The following DNAH10 variants were observed in gnomAD, a reference collection of about 807,000 sequenced individuals.
DNAH10 encodes the protein axonemal beta dynein heavy chain 10.
Under a neutral mutation model 506.6 loss-of-function variants are expected in DNAH10, and 348 were observed. The ratio of observed to expected loss-of-function variants is 0.69; its 90% confidence interval spans 0.63 to 0.75. The LOEUF is 0.75. DNAH10 is among the 30% of genes least tolerant of loss of function. The pLI, the probability that DNAH10 is intolerant of heterozygous loss-of-function variation, is 0.00. For synonymous variants in DNAH10, 2,059 were observed against 2,198.6 expected (o/e 0.94, Z 1.78); for missense variants, 5,179 against 5,787.1 (o/e 0.89, Z 3.41).
At chr12:123,858,282 T>A (rs1344238585) in intron 37 of DNAH10, among the ~76,000 whole-genome samples, 1 of 152,052 alleles carries the variant, frequency 6.6e-6, no homozygotes, top group Non-Finnish European at 1.5e-5. Context: ...ATTGGCAGAG[T>A]CCTGCTGAGA....
At chr12:123,847,764 C>T (rs1237690992) in intron 32 of DNAH10, among the ~76,000 whole-genome samples, 197 bp from the exon 33 acceptor site, 1 of 152,190 alleles carries the variant, frequency 6.6e-6, no homozygotes, top group Admixed American at 6.5e-5. Context: ...CTTCCTGAAA[C>T]ACACTCATGG....
intron 65 of DNAH10, among the ~76,000 whole-genome samples, chr12:123,922,324 C>T (rs1320654536): frequency 2.6e-5 from 4 of 152,092 alleles, no homozygotes; most frequent in South Asian, 2.1e-4. Context: ...TGCAGTGAGC[C>T]GAGATCGCGC....
Position 123,909,521 on chromosome 12 carries a change from A to G in DNAH10, c.9997+79A>G, listed in dbSNP as rs962223975. On this transcript the variant is annotated intron_variant, in intron 58 of 78. Transcript: ENST00000673944. This position sits in a 1 kb window ranked among gnomAD's most constrained non-coding sequence, Gnocchi z 5.4. ...AGGCTCTGGGACAGGGATGGAGGGC[A>G]AGGAGGCTTGTCGTGGGCAGGCCCT... 6.8e-7 allele frequency: 1 copy of G among 1,467,666 alleles called. No homozygotes were observed. Among genetic ancestry groups the G allele is most frequent in the Non-Finnish European group, 9.1e-7 (1 of 1,103,320 alleles). 90.9% of individuals were successfully genotyped at this position (1,467,666 alleles called of 1,614,324 possible).
intron 38 of DNAH10, among the ~76,000 whole-genome samples, chr12:123,860,589 G>A (rs563166879): frequency 6.6e-6 from 1 of 152,300 alleles, no homozygotes; most frequent in South Asian, 2.1e-4. Context: ...CTGTTGTTCT[G>A]TAGATAAGGA....
chr12:123,895,610 A>G (rs1289282752), intron 54 of DNAH10, among the ~76,000 whole-genome samples: 2 of 152,176 alleles, frequency 1.3e-5, no homozygotes, highest in East Asian at 1.9e-4. Flanking sequence ...CTGTGATCCA[A>G]TAACACTTTA....
chr12:123,831,804 G>A (rs552280360), intron 26 of DNAH10, among the ~76,000 whole-genome samples: 22 of 152,026 alleles, frequency 1.4e-4, no homozygotes, highest in Non-Finnish European at 2.9e-4. Flanking sequence ...TACTCGGGAG[G>A]CTGAGGCAGG....
intron 46 of DNAH10, 117 bp from the exon 47 acceptor site, chr12:123,875,114 G>A (rs1376750239): frequency 3.4e-6 from 4 of 1,192,426 alleles, no homozygotes; most frequent in Non-Finnish European, 4.6e-6. Flanking sequence ...AACTGAAACC[G>A]AGGTGCCCTG....
intron 34 of DNAH10, among the ~76,000 whole-genome samples, chr12:123,849,483 TC>T (rs1364620978): frequency 1.3e-5 from 2 of 152,190 alleles, no homozygotes; most frequent in Non-Finnish European, 2.9e-5. Context: ...TATTATGTAA[TC>T]TAGGTGGCCC....
chr12:123,846,038 G>A lies in DNAH10; in HGVS notation c.5698G>A (p.Glu1900Lys). Residue 1900 changes from glutamate to lysine, a missense_variant, in exon 32 of 79, where the codon GAG (glutamate) becomes AAG (lysine). Glu to Lys is a moderately conservative substitution (Grantham distance 56, BLOSUM62 1). This residue lies in a region of DNAH10 where 4,844 missense variants were observed against 5,430.5 expected (regional missense o/e 0.89). Transcript: ENST00000673944. This position sits in a 1 kb window ranked among gnomAD's most constrained non-coding sequence, Gnocchi z 4.5. Reference protein sequence around the residue: ...LRFYWDREPDELNIRQCTGTF... With the variant: ...LRFYWDREPDKLNIRQCTGTF... ...GTTTTATTGGGACCGGGAGCCGGAT[G>A]AGCTGAACATCCGCCAGTGCACGGG... The A allele has an allele frequency of 2.5e-6, 4 of 1,614,052 alleles. No individual in the cohort carries two copies. The highest frequency in any genetic ancestry group is 3.4e-6 in the Non-Finnish European group (4 of 1,179,896).
chr12:123,863,523 G>A (rs2136890818), intron 39 of DNAH10, among the ~76,000 whole-genome samples: 1 of 152,302 alleles, frequency 6.6e-6, no homozygotes, highest in South Asian at 2.1e-4. Context: ...CCCTCCGAAG[G>A]CTCTAGGGCA....
At position 123,781,118 on chromosome 12, in the gene DNAH10, G is replaced by C. The variant is rs755061538; in HGVS notation, c.660G>C (p.Thr220=). Residue 220 remains threonine (T), a synonymous_variant, in exon 6 of 79, where the codon ACG becomes ACC. Transcript: ENST00000673944. ...LPALSFNQHR[T]STTVGVTSGE... ...CATTGTCCTTCAATCAGCACAGGAC[G>C]AGTACAACCGTGGGAGTCACATCTG... is the stretch of plus-strand genomic sequence containing the variant. The C allele has an allele frequency of 6.2e-7, 1 of 1,613,746 alleles. No homozygotes were observed. The highest frequency in any genetic ancestry group is 2.2e-5 in the East Asian group (1 of 44,896).
chr12:123,800,110 A>C (rs1594057492), intron 14 of DNAH10, 106 bp from the exon 15 acceptor site: 1,974 of 829,928 alleles, frequency 2.4e-3, no homozygotes, highest in Non-Finnish European at 3.1e-3. Context: ...CGTCTGGTGA[A>C]GGGCCCAGTG....
At chr12:123,860,006 G>A (rs991723298) in intron 38 of DNAH10, among the ~76,000 whole-genome samples, 2 of 151,778 alleles carry the variant, frequency 1.3e-5, no homozygotes, top group Non-Finnish European at 2.9e-5. Flanking sequence ...CACCAGCCTG[G>A]GCAACAGAGT....
At chr12:123,901,645 AT>A (rs1261878467) in intron 56 of DNAH10, among the ~76,000 whole-genome samples, 2 of 152,174 alleles carry the variant, frequency 1.3e-5, no homozygotes, top group South Asian at 2.1e-4. Flanking sequence ...ACAGACATTT[AT>A]TTTTTTAAAT....
intron 64 of DNAH10, among the ~76,000 whole-genome samples, chr12:123,918,105 A>G (rs1954566551): frequency 6.6e-6 from 1 of 152,244 alleles, no homozygotes; most frequent in Non-Finnish European, 1.5e-5. Context: ...AGATGGCCTC[A>G]GGTGGGGCTG....
At chr12:123,794,247 T>A in intron 12 of DNAH10, 135 bp downstream of exon 12, 1 of 594,876 alleles carries the variant, frequency 1.7e-6, no homozygotes, top group Non-Finnish European at 2.3e-6. Flanking sequence ...GCATGTTACG[T>A]AATACACGTA....
At chr12:123,788,187 T>A (rs1957937645) in intron 10 of DNAH10, among the ~76,000 whole-genome samples, 185 bp downstream of exon 10, 1 of 152,216 alleles carries the variant, frequency 6.6e-6, no homozygotes, top group Non-Finnish European at 1.5e-5. Flanking sequence ...CACCAGAGCT[T>A]TGCGACTTTT....
intron 30 of DNAH10, among the ~76,000 whole-genome samples, chr12:123,842,214 G>A (rs1273055304): frequency 2.0e-5 from 3 of 152,206 alleles, no homozygotes; most frequent in Non-Finnish European, 2.9e-5. Flanking sequence ...CACCCTTAGC[G>A]TGTGAACCCC....
chr12:123,811,407 C>G (rs1958926951), intron 19 of DNAH10, among the ~76,000 whole-genome samples: 1 of 152,010 alleles, frequency 6.6e-6, no homozygotes, highest in Non-Finnish European at 1.5e-5. Context: ...ACTGCAACCT[C>G]CACCTCCCGG....
Sources: gnomAD v4.1 joint callset for allele counts (sites outside exome capture counted in the v4.1 genomes callset) on GRCh38, gnomAD v4.1.1 for gene constraint, gnomAD v4.1.1 regional missense constraint, Gnocchi (gnomAD v3.1) non-coding constraint, MANE v1.5 for transcripts, NCBI Gene and HGNC (gene_info 2026-07-23, HGNC 2026-07-21) for gene names.